Variants in SPIDR observed in about 807,000 individuals in gnomAD.
The protein encoded by SPIDR is DNA repair-scaffolding protein.
A neutral mutation model predicts 104.6 loss-of-function variants in SPIDR; 93 were observed. The ratio of observed to expected loss-of-function variants is 0.89; its 90% confidence interval spans 0.75 to 1.06. The LOEUF (loss-of-function observed/expected upper bound fraction) is 1.06. SPIDR is among the 50% of genes least tolerant of loss of function. The probability of loss-of-function intolerance (pLI) is 0.00; values close to 1 mark genes in which losing one functional copy is unlikely to be tolerated. For missense variants in SPIDR, 1,154 were observed against 1,111.2 expected, an observed-to-expected ratio of 1.04 and a Z score of -0.55; for synonymous variants, 431 against 416.9, an observed-to-expected ratio of 1.03 and a Z score of -0.41.
At chr8:47,409,982 C>T (rs1392774413) in intron 7 of SPIDR, among the ~76,000 whole-genome samples, 1 of 152,070 alleles carries the variant, frequency 6.6e-6, no homozygotes, top group Non-Finnish European at 1.5e-5. Flanking sequence ...GAGCTATGAT[C>T]GCACCTCTGC....
At chr8:47,476,570 C>T (rs1415482546) in intron 8 of SPIDR, among the ~76,000 whole-genome samples, 1 of 152,152 alleles carries the variant, frequency 6.6e-6, no homozygotes, top group African/African-American at 2.4e-5. Flanking sequence ...CACCTTGCCC[C>T]TTTCTCACCT....
chr8:47,567,360 C>T (rs1359990487), intron 8 of SPIDR, among the ~76,000 whole-genome samples: 2 of 151,710 alleles, frequency 1.3e-5, no homozygotes, highest in Non-Finnish European at 2.9e-5. Flanking sequence ...GCTGGGATTA[C>T]AGCCATGCGC....
chr8:47,622,123 G>T (rs920014081), intron 10 of SPIDR, among the ~76,000 whole-genome samples: 1 of 152,112 alleles, frequency 6.6e-6, no homozygotes, highest in African/African-American at 2.4e-5. Context: ...CCAGGGCGAG[G>T]TGCTCAGCCC....
At chr8:47,479,105 A>G (rs113521718) in intron 8 of SPIDR, among the ~76,000 whole-genome samples, 2,479 of 152,260 alleles carry the variant, frequency 0.016, 65 homozygotes, top group African/African-American at 0.057. Flanking sequence ...TCACGCCTGT[A>G]ATTCCAACAC....
At chr8:47,278,129 G>T (rs2036950532) in intron 1 of SPIDR, among the ~76,000 whole-genome samples, 1 of 141,158 alleles carries the variant, frequency 7.1e-6, no homozygotes, top group South Asian at 2.2e-4. Flanking sequence ...TAGCCATTCT[G>T]GTGGGTGTGA....
intron 10 of SPIDR, among the ~76,000 whole-genome samples, chr8:47,644,034 G>A (rs76774252): frequency 0.015 from 2,235 of 152,146 alleles, 29 homozygotes; most frequent in Non-Finnish European, 0.022. Flanking sequence ...TGGAACTTAC[G>A]GGCTGTACCC....
In SPIDR at chr8:47,504,654, C is replaced by T. The variant is rs561571826; in HGVS notation, c.1097+64112C>T. Among the ~76,000 whole-genome samples the T allele has an allele frequency of 2.0e-5, 3 of 152,320 alleles. No homozygotes were observed. The East Asian group carries it at 5.8e-4, about 29-fold the overall frequency. ...TCAACTCGTCAAAGTCATTCTCCGT[C>T]CAGCTTTGTTCCATTGCTGGTGAGG... On this transcript the variant is annotated intron_variant, in intron 8 of 19. Coordinates refer to ENST00000297423, the MANE Select transcript of SPIDR (RefSeq NM_001080394.4).
At chr8:47,429,808 TA>T (rs1426240370) in intron 7 of SPIDR, among the ~76,000 whole-genome samples, 3 of 151,202 alleles carry the variant, frequency 2.0e-5, no homozygotes, top group South Asian at 2.1e-4. Context: ...AGCTTATATA[TA>T]TTTTTTTTAT....
At chr8:47,446,163 A>G (rs147697619) in intron 8 of SPIDR, among the ~76,000 whole-genome samples, 1 of 152,340 alleles carries the variant, frequency 6.6e-6, no homozygotes, top group African/African-American at 2.4e-5. Flanking sequence ...CCTGGCTTCA[A>G]AGCTTCCAAG....
At chr8:47,261,246 C>A (rs912703795) in intron 1 of SPIDR, among the ~76,000 whole-genome samples, 1 of 152,180 alleles carries the variant, frequency 6.6e-6, no homozygotes, top group South Asian at 2.1e-4. Context: ...GGTGGGACCG[C>A]CGAGGGACGC....
chr8:47,511,016 G>A, intron 8 of SPIDR: 5 of 747,296 alleles, frequency 6.7e-6, no homozygotes, highest in Non-Finnish European at 7.3e-6. Flanking sequence ...GAGAGGCCAG[G>A]CAGCTGCCTG....
At chr8:47,633,443 G>T (rs1264351368) in intron 10 of SPIDR, among the ~76,000 whole-genome samples, 1 of 151,914 alleles carries the variant, frequency 6.6e-6, no homozygotes, top group African/African-American at 2.4e-5. Flanking sequence ...CATGAACCAA[G>T]GAGAATGTTC....
intron 11 of SPIDR, among the ~76,000 whole-genome samples, chr8:47,696,721 T>C (rs192775760): frequency 1.3e-5 from 2 of 152,328 alleles, no homozygotes; most frequent in South Asian, 2.1e-4. Flanking sequence ...CTGGAGACTT[T>C]GGAACTGTCT....
chr8:47,301,034 G>A lies in SPIDR; in HGVS notation c.525+7004G>A, dbSNP rs897525584. 2.9e-4 allele frequency among the ~76,000 whole-genome samples: 44 copies of A among 152,254 alleles called. 1 individual carries two copies. The highest frequency in any genetic ancestry group is 2.2e-3 in the Admixed American group (34 of 15,282). The stretch of plus-strand genomic sequence containing the variant: ...TTTCTGTCTCACTGATCTGTCTAAT[G>A]TTGATAGTGGGGTGTTAAAGTCTCC... On this transcript the variant is annotated intron_variant, in intron 5 of 19. Coordinates refer to ENST00000297423, the MANE Select transcript of SPIDR (RefSeq NM_001080394.4).
At chr8:47,659,230 G>T (rs1194275346) in intron 10 of SPIDR, among the ~76,000 whole-genome samples, 1 of 152,212 alleles carries the variant, frequency 6.6e-6, no homozygotes, top group Non-Finnish European at 1.5e-5. Context: ...CGGTACTCCA[G>T]CCTGGGAGAC....
chr8:47,358,243 C>T (rs1018607840), intron 5 of SPIDR, among the ~76,000 whole-genome samples: 80 of 151,912 alleles, frequency 5.3e-4, no homozygotes, highest in African/African-American at 1.9e-3. Flanking sequence ...GGCACACCAC[C>T]GTAGCTAATT....
Position 47,713,598 on chromosome 8 carries a change from C to T in SPIDR, c.2298C>T (p.Ser766=). Residue 766 remains serine, a synonymous_variant, in exon 16 of 20, where the codon AGC becomes AGT. Coordinates refer to ENST00000297423, the MANE Select transcript of SPIDR (RefSeq NM_001080394.4). ...CELPGPVMLD[S]LDSATPVNSI... The stretch of plus-strand genomic sequence containing the variant: ...TGCCTGGCCCGGTGATGCTCGACAG[C>T]CTGGACTCTGCAACACCTGTCAACT... The T allele has an allele frequency of 6.2e-7, 1 of 1,614,162 alleles. No homozygotes were observed. The highest frequency in any genetic ancestry group is 8.5e-7 in the Non-Finnish European group (1 of 1,180,030).
intron 5 of SPIDR, among the ~76,000 whole-genome samples, chr8:47,317,393 C>T (rs968798101): frequency 1.3e-5 from 2 of 152,034 alleles, no homozygotes; most frequent in African/African-American, 2.4e-5. Flanking sequence ...AAGGCAGCAG[C>T]GAGGCTGGGG....
intron 16 of SPIDR, among the ~76,000 whole-genome samples, chr8:47,724,818 G>T (rs1409058865): frequency 2.0e-5 from 3 of 152,188 alleles, no homozygotes. Flanking sequence ...AGGCCTCCTC[G>T]TCTCTATTCT....
Sources: allele counts gnomAD v4.1 joint callset (sites outside exome capture counted in the v4.1 genomes callset), GRCh38; gene constraint gnomAD v4.1.1; transcripts MANE v1.5; gene names NCBI Gene and HGNC (gene_info 2026-07-23, HGNC 2026-07-21).